The following LRFN5 variants were observed in gnomAD, a reference collection of about 807,000 sequenced individuals.
LRFN5 encodes the protein leucine-rich repeat and fibronectin type-III domain-containing protein 5.
In LRFN5, 24 loss-of-function variants were observed where a neutral mutation model predicts 45.6. The ratio of observed to expected loss-of-function variants is 0.53; its 90% CI spans 0.38 to 0.74. The LOEUF (loss-of-function observed/expected upper bound fraction) is 0.74, where lower values mean the gene tolerates loss of function less well. Among genes scored for constraint, LRFN5 ranks in the 30% least tolerant of loss-of-function variants. The pLI, the probability that LRFN5 is intolerant of heterozygous loss-of-function variation, is 0.00. For missense variants in LRFN5, 776 were observed against 861.5 expected (o/e 0.90, Z 1.24); for synonymous variants, 340 against 313.8 (o/e 1.08, Z -0.88).
chr14:41,735,643 A>C (rs1476978540), intron 1 of LRFN5, among the ~76,000 whole-genome samples: 9 of 152,086 alleles, frequency 5.9e-5, no homozygotes, highest in Non-Finnish European at 1.2e-4. Flanking sequence ...TCTGGGATAC[A>C]TATGCAGAAG....
intron 2 of LRFN5, among the ~76,000 whole-genome samples, chr14:41,773,217 T>A (rs531493560): frequency 6.6e-6 from 1 of 152,290 alleles, no homozygotes; most frequent in South Asian, 2.1e-4. Context: ...CTTGTTCATA[T>A]AATGTCACCT....
chr14:41,751,063 A>G (rs970996812), intron 1 of LRFN5, among the ~76,000 whole-genome samples: 1 of 151,928 alleles, frequency 6.6e-6, no homozygotes, highest in African/African-American at 2.4e-5. Flanking sequence ...ATGAGTGAGA[A>G]CATGCTACTT....
rs1890768937 is a variant in LRFN5 at position 41,891,247 on chromosome 14, C to T, written c.1386-3C>T. The T allele has an allele frequency of 3.7e-6, 6 of 1,610,852 alleles. No individual in the cohort carries two copies. The highest frequency in any genetic ancestry group is 5.1e-6 in the Non-Finnish European group (6 of 1,179,120). ...TATTAACACAAATTCCATTGTCCCT[C>T]AGAATGATACCTCCTACGAGCAAAA... On this transcript the variant is annotated splice_polypyrimidine_tract_variant and splice_region_variant and intron_variant, in intron 3 of 5. Transcript: ENST00000298119.
At chr14:41,720,970 G>A (rs1321439394) in intron 1 of LRFN5, among the ~76,000 whole-genome samples, 4 of 152,050 alleles carry the variant, frequency 2.6e-5, no homozygotes, top group Non-Finnish European at 5.9e-5. Context: ...ATCTAATGTT[G>A]TCAGTAGGGT....
chr14:41,637,552 A>C (rs1879363462), intron 1 of LRFN5, among the ~76,000 whole-genome samples: 4 of 152,112 alleles, frequency 2.6e-5, no homozygotes, highest in Admixed American at 6.6e-5. Context: ...ATCACAGCGC[A>C]GTAGTTAGAA....
At chr14:41,796,645 A>T (rs1887141790) in intron 2 of LRFN5, among the ~76,000 whole-genome samples, 1 of 151,968 alleles carries the variant, frequency 6.6e-6, no homozygotes, top group Admixed American at 6.6e-5. Context: ...GGGTCACTTT[A>T]TTAGGCATTA....
At chr14:41,611,698 T>C (rs373520849) in intron 1 of LRFN5, among the ~76,000 whole-genome samples, 3 of 152,312 alleles carry the variant, frequency 2.0e-5, no homozygotes, top group Admixed American at 6.5e-5. Flanking sequence ...TTCACATACG[T>C]CTCTCCTTCC....
intron 4 of LRFN5, chr14:41,892,412 C>T (rs1890818134): frequency 1.0e-6 from 1 of 984,998 alleles, no homozygotes; most frequent in Non-Finnish European, 1.2e-6. Flanking sequence ...TTTCCCTATT[C>T]TAGGACCAAC....
intron 2 of LRFN5, among the ~76,000 whole-genome samples, chr14:41,827,301 A>G (rs1888330949): frequency 1.3e-5 from 2 of 152,040 alleles, no homozygotes; most frequent in Admixed American, 6.6e-5. Context: ...TGGCAATTGC[A>G]TTTCTCAGCT....
intron 2 of LRFN5, among the ~76,000 whole-genome samples, chr14:41,800,281 A>G (rs1887281408): frequency 6.8e-6 from 1 of 147,754 alleles, no homozygotes; most frequent in Non-Finnish European, 1.5e-5. Flanking sequence ...CTGATCACAG[A>G]TGAAACCAAA....
intron 1 of LRFN5, among the ~76,000 whole-genome samples, chr14:41,745,324 T>G (rs1357105772): frequency 6.6e-6 from 1 of 152,038 alleles, no homozygotes; most frequent in Non-Finnish European, 1.5e-5. Context: ...AGAAAATACT[T>G]AGCAATGAAT....
rs192397153 is a variant in LRFN5, at chr14:41,738,680, T to C, written c.-196-28174T>C. 3.9e-3 allele frequency among the ~76,000 whole-genome samples: 592 copies of C among 152,308 alleles called. 4 individuals carry two copies. Among genetic ancestry groups the C allele is most frequent in the South Asian group, 0.019 (94 of 4,822 alleles). On this transcript the variant is annotated intron_variant, in intron 1 of 5. Transcript: ENST00000298119. Reference sequence around the variant, plus strand: ...TCCCGTTTTATACATTAAGTAGCTTTCGTCTGATAGCTTTCAGAGTCCAGA... The same window carrying C: ...TCCCGTTTTATACATTAAGTAGCTTCCGTCTGATAGCTTTCAGAGTCCAGA...
chr14:41,844,415 T>C (rs568035623), intron 2 of LRFN5, among the ~76,000 whole-genome samples: 178 of 144,512 alleles, frequency 1.2e-3, no homozygotes, highest in Admixed American at 3.2e-3. Context: ...CCAGCCTGGG[T>C]GACAGAGCAA....
At chr14:41,740,834 T>A (rs1236158027) in intron 1 of LRFN5, among the ~76,000 whole-genome samples, 1 of 152,014 alleles carries the variant, frequency 6.6e-6, no homozygotes, top group East Asian at 1.9e-4. Flanking sequence ...CCCTAAAGGC[T>A]TTATCAAAGA....
intron 2 of LRFN5, among the ~76,000 whole-genome samples, chr14:41,841,279 A>G (rs551102211): frequency 6.6e-6 from 1 of 152,082 alleles, no homozygotes; most frequent in African/African-American, 2.4e-5. Flanking sequence ...AACATGAAAA[A>G]GAAATTTCTA....
chr14:41,608,329 C>T lies in LRFN5; in HGVS notation c.-430C>T, dbSNP rs1887586376. On this transcript the variant is annotated 5_prime_UTR_variant, in exon 1 of 6. Coordinates refer to ENST00000298119, the MANE Select transcript of LRFN5 (RefSeq NM_152447.5). Reference sequence around the variant, plus strand: ...TCCCCGGGCGCGGAGCCGCGGGTTTCATGGGGCGATTGCAGCGATTCCCCC... The same window carrying T: ...TCCCCGGGCGCGGAGCCGCGGGTTTTATGGGGCGATTGCAGCGATTCCCCC... The T allele has an allele frequency of 6.5e-6, 1 of 152,890 alleles. No individual in the cohort carries two copies. Among genetic ancestry groups the T allele is most frequent in the African/African-American group, 2.4e-5 (1 of 41,476 alleles). 9.5% of individuals were successfully genotyped at this position (152,890 alleles called of 1,614,324 possible).
At chr14:41,628,959 A>C (rs1452502990) in intron 1 of LRFN5, among the ~76,000 whole-genome samples, 2 of 152,130 alleles carry the variant, frequency 1.3e-5, no homozygotes, top group Non-Finnish European at 2.9e-5. Context: ...TCTGACTCTC[A>C]CAACTTCCCA....
At chr14:41,859,664 A>C (rs1173540525) in intron 2 of LRFN5, among the ~76,000 whole-genome samples, 1 of 152,226 alleles carries the variant, frequency 6.6e-6, no homozygotes, top group Non-Finnish European at 1.5e-5. Context: ...TTTCTAACTC[A>C]GGACAGAAAA....
chr14:41,726,334 TA>T (rs755700525), intron 1 of LRFN5, among the ~76,000 whole-genome samples: 14 of 152,156 alleles, frequency 9.2e-5, no homozygotes, highest in Non-Finnish European at 1.6e-4. Flanking sequence ...TTGTGTCAAT[TA>T]AAACTTTCCT....
Sources: gnomAD v4.1 joint callset for allele counts (sites outside exome capture counted in the v4.1 genomes callset) on GRCh38, gnomAD v4.1.1 for gene constraint, MANE v1.5 for transcripts, NCBI Gene and HGNC (gene_info 2026-07-23, HGNC 2026-07-21) for gene names.